The following THNSL2 variants were observed in gnomAD, a reference collection of about 807,000 sequenced individuals.
THNSL2 encodes threonine synthase like 2.
In THNSL2, 34 loss-of-function variants were observed where a neutral mutation model predicts 40.0. The observed-to-expected ratio is 0.85, with a 90% CI of 0.65 to 1.13. THNSL2 has a LOEUF of 1.13. Ranked by LOEUF, THNSL2 falls within the 50% of genes most tolerant of loss-of-function variation. The pLI is 0.00. For synonymous variants in THNSL2, 241 were observed against 247.5 expected, an observed-to-expected ratio of 0.97 and a Z score of 0.25; for missense variants, 537 against 608.8, an observed-to-expected ratio of 0.88 and a Z score of 1.24.
intron 5 of THNSL2, among the ~76,000 whole-genome samples, chr2:88,180,883 C>T (rs552179008): frequency 8.5e-5 from 13 of 152,218 alleles, no homozygotes; most frequent in South Asian, 2.1e-4. Context: ...GCATGTGCTC[C>T]GGACTTAGGC....
intron 7 of THNSL2, among the ~76,000 whole-genome samples, chr2:88,184,733 T>A (rs59506154): frequency 0.026 from 3,868 of 151,476 alleles, 171 homozygotes; most frequent in African/African-American, 0.088. Flanking sequence ...GTGTCACGGT[T>A]CTCCAGCCTG....
In THNSL2 at chr2:88,185,985, G is replaced by C. The variant is rs575193907; in HGVS notation, c.1317G>C (p.Ala439=). Residue 439 remains alanine (A), a synonymous_variant, in exon 9 of 9, where the codon GCG becomes GCC. Coordinates refer to ENST00000674334, the MANE Select transcript of THNSL2 (RefSeq NM_018271.5). Reference sequence around the variant, plus strand: ...CTGGCCTGACCCCTGAGACTCCCGCGGAGATCGTAGCCCTGGAGCACAAGG... The same window carrying C: ...CTGGCCTGACCCCTGAGACTCCCGCCGAGATCGTAGCCCTGGAGCACAAGG... The part of the protein sequence containing the change: ...LAAGLTPETP[A]EIVALEHKET... 1 of 1,612,688 alleles carries C rather than the reference G, an allele frequency of 6.2e-7. No individual in the cohort carries two copies.
rs1470409411 is a variant in THNSL2, at chr2:88,183,170, T to C, written c.1077+97T>C. The C allele has an allele frequency of 4.6e-6, 7 of 1,510,138 alleles. No individual in the cohort carries two copies. The East Asian group carries it at 1.6e-4, about 35-fold the overall frequency. The allele number at this position is 1,510,138 out of a possible 1,614,324, so 93.5% of individuals were successfully genotyped here. Reference sequence around the variant, plus strand: ...CTGGTCAAGGGAAGAGGACACCTGTTTCTTGAGTACCTGCTATGAGCCCAC... The same window carrying C: ...CTGGTCAAGGGAAGAGGACACCTGTCTCTTGAGTACCTGCTATGAGCCCAC... On this transcript the variant is annotated intron_variant, in intron 7 of 8. Transcript: ENST00000674334.
Position 88,186,068 on chromosome 2 carries a change from C to T in THNSL2, c.1400C>T (p.Thr467Ile). The change falls in exon 9 of 9, where the codon ACC becomes ATC. Residue 467 changes from threonine to isoleucine, a missense_variant. Physicochemically the swap from Thr to Ile is moderately conservative, Grantham distance 89. Transcript: ENST00000674334. ...GDNWMLMLRD[T>I]IEDLSRQWRS... is the part of the protein sequence containing the mutation. The stretch of plus-strand genomic sequence containing the variant: ...AACTGGATGCTGATGCTTCGGGACA[C>T]CATTGAGGACCTTAGCCGACAGTGG... 1 of 1,578,666 alleles carries T rather than the reference C, an allele frequency of 6.3e-7. No individual in the cohort carries two copies. The highest frequency in any genetic ancestry group is 1.2e-5 in the South Asian group (1 of 86,076).
chr2:88,183,196 C>A, intron 7 of THNSL2, 123 bp downstream of exon 7: 1 of 1,317,424 alleles, frequency 7.6e-7, no homozygotes, highest in Non-Finnish European at 1.0e-6. Context: ...ATGAGCCCAC[C>A]ACTTTTACGG....
intron 3 of THNSL2, among the ~76,000 whole-genome samples, 157 bp from the exon 4 acceptor site, chr2:88,175,092 G>A (rs919286026): frequency 4.6e-5 from 7 of 152,198 alleles, no homozygotes; most frequent in Non-Finnish European, 1.0e-4. Context: ...AATTTTATCC[G>A]TGGATCCATG....
chr2:88,182,285 C>T (rs1677774770), intron 5 of THNSL2, among the ~76,000 whole-genome samples: 1 of 152,190 alleles, frequency 6.6e-6, no homozygotes, highest in African/African-American at 2.4e-5. Flanking sequence ...TATTATCTGT[C>T]TTTTTGATTC....
At chr2:88,185,845 A>G in intron 8 of THNSL2, 53 bp from the exon 9 acceptor site, 2 of 1,546,096 alleles carry the variant, frequency 1.3e-6, no homozygotes, top group Non-Finnish European at 1.7e-6. Flanking sequence ...CTCCTTTCCC[A>G]TCTCTCTATT....
At position 88,182,729 on chromosome 2, in the gene THNSL2, C is replaced by T. The variant is rs773667790; in HGVS notation, c.833C>T (p.Pro278Leu). The T allele has an allele frequency of 3.5e-5, 57 of 1,613,634 alleles. No individual in the cohort carries two copies. In the Admixed American group the frequency reaches 9.3e-4, roughly 26 times the overall value. ...TACATTGCTCAAAAGATAGGCCTGC[C>T]CATCCGTCTGGTCGTGGCAGTGAAC... is the stretch of plus-strand genomic sequence containing the variant. ...AGYIAQKIGL[P>L]IRLVVAVNRN... is the part of the protein sequence containing the mutation. The change falls in exon 6 of 9, where the codon CCC (proline) becomes CTC (leucine). Residue 278 changes from proline to leucine, a missense_variant. Coordinates refer to ENST00000674334, the MANE Select transcript of THNSL2 (RefSeq NM_018271.5).
Position 88,186,198 on chromosome 2 carries a change from C to A in THNSL2, c.*75C>A. The A allele has an allele frequency of 7.0e-7, 1 of 1,425,578 alleles. No homozygotes were observed. The highest frequency in any genetic ancestry group is 9.6e-7 in the Non-Finnish European group (1 of 1,036,748). 88.3% of individuals were successfully genotyped at this position (1,425,578 alleles called of 1,614,324 possible). A position where few individuals can be genotyped will look rare whatever the true frequency, so the allele number is the denominator to read the frequency against. Reference sequence around the variant, plus strand: ...CTTCTGAGCTGCCTTGTGCACCCTCCCCATTAAGCGTAGGTTAGGAGGTTT... The same window carrying A: ...CTTCTGAGCTGCCTTGTGCACCCTCACCATTAAGCGTAGGTTAGGAGGTTT... On this transcript the variant is annotated 3_prime_UTR_variant, in exon 9 of 9. Transcript: ENST00000674334.
At chr2:88,170,777 T>C (rs1264449238) in intron 1 of THNSL2, among the ~76,000 whole-genome samples, 1 of 152,064 alleles carries the variant, frequency 6.6e-6, no homozygotes, top group Non-Finnish European at 1.5e-5. Context: ...CCGCCCTCCT[T>C]GGCGGGATGA....
chr2:88,184,789 AT>A (rs1198085407), intron 7 of THNSL2, among the ~76,000 whole-genome samples: 3 of 150,874 alleles, frequency 2.0e-5, no homozygotes, highest in African/African-American at 7.3e-5. Flanking sequence ...AAGAAAAAAA[AT>A]CTGTGATACT....
chr2:88,174,535 G>T, intron 2 of THNSL2, 104 bp from the exon 3 acceptor site: 4 of 1,201,208 alleles, frequency 3.3e-6, no homozygotes, highest in South Asian at 1.6e-5. Flanking sequence ...AAGATTTTTG[G>T]CCTTTTAGTA....
chr2:88,173,551 C>T (rs1676588574), intron 2 of THNSL2, among the ~76,000 whole-genome samples, 178 bp downstream of exon 2: 4 of 151,954 alleles, frequency 2.6e-5, no homozygotes, highest in African/African-American at 9.7e-5. Flanking sequence ...AGATTTCGTC[C>T]TGTCTCCAGG....
At chr2:88,185,552 G>A in intron 8 of THNSL2, 73 bp downstream of exon 8, 1 of 1,553,334 alleles carries the variant, frequency 6.4e-7, no homozygotes, top group Non-Finnish European at 8.7e-7. Context: ...TCCAAGCAGT[G>A]GGAGAGACAG....
At chr2:88,174,933 C>T (rs565912144) in intron 3 of THNSL2, 100 bp downstream of exon 3, 16 of 1,362,842 alleles carry the variant, frequency 1.2e-5, no homozygotes, top group African/African-American at 1.0e-4. Flanking sequence ...AACTGTGGTA[C>T]TGGTTCTTCC....
chr2:88,171,222 T>G (rs1433330465), intron 1 of THNSL2: 2 of 454,912 alleles, frequency 4.4e-6, no homozygotes, highest in Non-Finnish European at 8.8e-6. Context: ...TGTATTTCTC[T>G]TTAGCTTTGC....
intron 3 of THNSL2, 123 bp from the exon 4 acceptor site, chr2:88,175,126 C>A: frequency 2.7e-6 from 3 of 1,127,654 alleles, no homozygotes; most frequent in Non-Finnish European, 3.8e-6. Flanking sequence ...GTGCTAGGTT[C>A]ATATCATCCA....
intron 4 of THNSL2, chr2:88,176,684 C>A (rs886783414): frequency 1.3e-5 from 2 of 152,246 alleles, no homozygotes; most frequent in African/African-American, 4.8e-5. Flanking sequence ...AGCATAAATA[C>A]CCTCTGTCAG....
Sources: gnomAD v4.1 joint callset for allele counts (sites outside exome capture counted in the v4.1 genomes callset) on GRCh38, gnomAD v4.1.1 for gene constraint, MANE v1.5 for transcripts, NCBI Gene and HGNC (gene_info 2026-07-23, HGNC 2026-07-21) for gene names.